SMYD3: variants seen among roughly 807,000 people sequenced by gnomAD.
SMYD3 encodes histone-lysine N-methyltransferase SMYD3.
In SMYD3, 36 loss-of-function variants were observed where a neutral mutation model predicts 57.7. The observed-to-expected ratio is 0.62, with a 90% CI of 0.48 to 0.82. The LOEUF is 0.82. SMYD3 is among the 40% of genes least tolerant of loss of function. SMYD3 has a pLI of 0.00. For missense variants in SMYD3, 515 were observed against 538.8 expected (o/e 0.96, Z 0.44); for synonymous variants, 211 against 195.0 (o/e 1.08, Z -0.68).
At chr1:245,834,753 C>G (rs2050021114) in intron 10 of SMYD3, among the ~76,000 whole-genome samples, 2 of 152,130 alleles carry the variant, frequency 1.3e-5, no homozygotes. Context: ...AAGGGAGATC[C>G]TAGTGTCATT....
chr1:245,921,720 T>A (rs755715586), intron 7 of SMYD3, among the ~76,000 whole-genome samples: 42 of 152,188 alleles, frequency 2.8e-4, no homozygotes, highest in Admixed American at 5.9e-4. Flanking sequence ...TCATAAATTG[T>A]GGAAACAAAT....
intron 5 of SMYD3, among the ~76,000 whole-genome samples, chr1:246,117,490 A>G (rs1011604630): frequency 4.6e-5 from 7 of 152,182 alleles, no homozygotes; most frequent in Non-Finnish European, 8.8e-5. Context: ...TTTTAAAAGC[A>G]TTTTCATATT....
At chr1:245,793,684 C>T (rs1313143081) in intron 10 of SMYD3, among the ~76,000 whole-genome samples, 1 of 152,106 alleles carries the variant, frequency 6.6e-6, no homozygotes, top group Non-Finnish European at 1.5e-5. Context: ...GTACCCGCCA[C>T]ACCTCTCAAA....
chr1:245,940,553 C>A (rs1333853198), intron 5 of SMYD3, among the ~76,000 whole-genome samples: 1 of 146,938 alleles, frequency 6.8e-6, no homozygotes, highest in Non-Finnish European at 1.5e-5. Flanking sequence ...GGAAGAGGGT[C>A]TTGACTGTTA....
At chr1:245,944,246 G>A (rs185945822) in intron 5 of SMYD3, among the ~76,000 whole-genome samples, 4 of 152,088 alleles carry the variant, frequency 2.6e-5, no homozygotes, top group East Asian at 1.9e-4. Flanking sequence ...AAACTCCATC[G>A]TCTAAGCCTA....
At chr1:246,034,301 G>A (rs953440544) in intron 5 of SMYD3, among the ~76,000 whole-genome samples, 2 of 151,996 alleles carry the variant, frequency 1.3e-5, no homozygotes, top group Non-Finnish European at 2.9e-5. Context: ...ATTATTTCAC[G>A]CTAAATAACA....
intron 1 of SMYD3, among the ~76,000 whole-genome samples, chr1:246,439,758 T>C (rs983133834): frequency 6.6e-6 from 1 of 152,158 alleles, no homozygotes; most frequent in African/African-American, 2.4e-5. Flanking sequence ...GACCAGCCCG[T>C]GCAACGTGGC....
At chr1:245,961,516 A>C (rs1235563819) in intron 5 of SMYD3, among the ~76,000 whole-genome samples, 1 of 118,248 alleles carries the variant, frequency 8.5e-6, no homozygotes, top group Admixed American at 9.6e-5. Context: ...CAAGTCACTA[A>C]TTACTCTCCA....
intron 2 of SMYD3, among the ~76,000 whole-genome samples, chr1:246,349,479 C>A (rs1327801238): frequency 1.3e-5 from 2 of 152,010 alleles, no homozygotes; most frequent in Non-Finnish European, 2.9e-5. Context: ...GTAGTGCACG[C>A]CTGTAGTCCC....
intron 7 of SMYD3, among the ~76,000 whole-genome samples, chr1:245,924,654 G>GGTTTTTTTTTTTTTTTTTTTTTTT (rs1558499827): frequency 1.7e-5 from 2 of 115,128 alleles, no homozygotes; most frequent in African/African-American, 3.2e-5. Context: ...CTCTATTCCA[G>GGTTTTTTTTTTTTTTTTTTTTTTT]CTTTTTTTTT....
chr1:246,414,296 G>A (rs2067022262), intron 1 of SMYD3, among the ~76,000 whole-genome samples: 1 of 152,140 alleles, frequency 6.6e-6, no homozygotes, highest in African/African-American at 2.4e-5. Flanking sequence ...AATCAAAAGA[G>A]TCATTTTTAA....
At chr1:246,283,136 T>C (rs770108187) in intron 5 of SMYD3, among the ~76,000 whole-genome samples, 5 of 152,098 alleles carry the variant, frequency 3.3e-5, no homozygotes, top group South Asian at 2.1e-4. Flanking sequence ...TAACCCCCCA[T>C]AGAAAATAAA....
At chr1:245,962,446 T>C (rs1452952265) in intron 5 of SMYD3, among the ~76,000 whole-genome samples, 1 of 152,224 alleles carries the variant, frequency 6.6e-6, no homozygotes, top group African/African-American at 2.4e-5. Flanking sequence ...CGCTAAACTC[T>C]GCCTGAAGTT....
At chr1:246,457,935 T>G (rs1180221629) in intron 1 of SMYD3, among the ~76,000 whole-genome samples, 1 of 152,230 alleles carries the variant, frequency 6.6e-6, no homozygotes, top group Non-Finnish European at 1.5e-5. Flanking sequence ...TAGCATAAAC[T>G]TTCCTATAGT....
At chr1:246,438,903 G>C (rs2067422182) in intron 1 of SMYD3, among the ~76,000 whole-genome samples, 1 of 151,550 alleles carries the variant, frequency 6.6e-6, no homozygotes, top group Non-Finnish European at 1.5e-5. Flanking sequence ...TGCCGCTGCT[G>C]ATCTGACAGG....
chr1:246,314,256 A>G (rs1448073457), intron 5 of SMYD3, among the ~76,000 whole-genome samples: 1 of 152,226 alleles, frequency 6.6e-6, no homozygotes, highest in Admixed American at 6.5e-5. Flanking sequence ...TCTTATTTCC[A>G]TCATTCTGGA....
chr1:246,134,409 T>C (rs1194085885), intron 5 of SMYD3, among the ~76,000 whole-genome samples: 1 of 152,130 alleles, frequency 6.6e-6, no homozygotes, highest in South Asian at 2.1e-4. Flanking sequence ...ATGTATATGA[T>C]TCATAAGTAA....
intron 5 of SMYD3, among the ~76,000 whole-genome samples, chr1:246,313,471 AT>A (rs2065111201): frequency 6.6e-6 from 1 of 152,194 alleles, no homozygotes; most frequent in East Asian, 1.9e-4. Flanking sequence ...AGGAAAGGAA[AT>A]TCTATTAAGG....
chr1:245,806,875 A>G lies in SMYD3; in HGVS notation c.1077-42726T>C, dbSNP rs1306946137. ...CAGTGAGCCGAGATCGCGCCACTGC[A>G]GTCCGCAATCCGGCCTGGGCGACAG... On this transcript the variant is annotated intron_variant, in intron 10 of 11. Coordinates refer to ENST00000490107, the MANE Select transcript of SMYD3 (RefSeq NM_001167740.2). 1.1e-4 allele frequency among the ~76,000 whole-genome samples: 14 copies of G among 131,636 alleles called. No individual in the cohort carries two copies. The East Asian group carries it at 3.6e-3, about 34-fold the overall frequency. The allele number at this position is 131,636 out of a possible 152,430, so 86.4% of individuals were successfully genotyped here. A position where few individuals can be genotyped will look rare whatever the true frequency, so the allele number is the denominator to read the frequency against.
Sources: gnomAD v4.1 joint callset for allele counts (sites outside exome capture counted in the v4.1 genomes callset) on GRCh38, gnomAD v4.1.1 for gene constraint, MANE v1.5 for transcripts, NCBI Gene and HGNC (gene_info 2026-07-23, HGNC 2026-07-21) for gene names.